The following TRPV5 variants were observed in gnomAD, a reference collection of about 807,000 sequenced individuals.
TRPV5 encodes transient receptor potential cation channel subfamily V member 5.
In TRPV5, 66 loss-of-function variants were observed where a neutral mutation model predicts 74.1. That is an observed-to-expected ratio of 0.89 (90% confidence interval 0.73 to 1.09). The LOEUF is 1.09. Among genes scored for constraint, TRPV5 ranks in the 50% least tolerant of loss-of-function variants. TRPV5 has a pLI of 0.00. For missense variants in TRPV5, 936 were observed against 930.4 expected (o/e 1.01, Z -0.08); for synonymous variants, 399 against 360.7 (o/e 1.11, Z -1.20).
At chr7:142,913,890 T>C (rs1362175417) in intron 12 of TRPV5, among the ~76,000 whole-genome samples, 1 of 152,206 alleles carries the variant, frequency 6.6e-6, no homozygotes, top group African/African-American at 2.4e-5. Flanking sequence ...TTTTCAGACC[T>C]GGGCCTTCCT....
Position 142,925,669 on chromosome 7 carries a change from A to G in TRPV5, c.982T>C (p.Tyr328His), listed in dbSNP as rs866060415. The change falls in exon 8 of 15, where the codon TAC becomes CAC. Residue 328 changes from tyrosine to histidine, a missense_variant. Tyr to His is a moderately conservative substitution (Grantham distance 83). Coordinates refer to ENST00000265310, the MANE Select transcript of TRPV5 (RefSeq NM_019841.7). ...SFKWNKYGRPYFCILAALYLL... is the reference protein window; with the variant it reads ...SFKWNKYGRPHFCILAALYLL... ...TACAAGGCAGCCAGGATGCAGAAGT[A>G]CGGCCGGCCATACTTGTTCCACTTG... The G allele has an allele frequency of 3.1e-6, 5 of 1,614,070 alleles. No individual in the cohort carries two copies. Among genetic ancestry groups the G allele is most frequent in the Middle Eastern group, 1.6e-4 (1 of 6,084 alleles).
intron 13 of TRPV5, among the ~76,000 whole-genome samples, chr7:142,911,275 G>A (rs4252538): frequency 6.6e-6 from 1 of 152,140 alleles, no homozygotes; most frequent in South Asian, 2.1e-4. Context: ...CTGCATTCTG[G>A]CCAGATACCT....
chr7:142,920,109 T>A (rs372682031), intron 8 of TRPV5, among the ~76,000 whole-genome samples: 1 of 152,204 alleles, frequency 6.6e-6, no homozygotes, highest in Non-Finnish European at 1.5e-5. Flanking sequence ...GAACCTGGCA[T>A]TTACTTGAAA....
intron 8 of TRPV5, 21 bp downstream of exon 8, chr7:142,925,508 T>C (rs1297944505): frequency 1.2e-6 from 2 of 1,612,292 alleles, no homozygotes; most frequent in East Asian, 4.5e-5. Flanking sequence ...TTCTCTCTCA[T>C]CCCCTTCTGA....
In TRPV5 at chr7:142,930,449, G is replaced by A; in HGVS notation, c.129-3C>T. 6.2e-7 allele frequency: 1 copy of A among 1,611,490 alleles called. No individual in the cohort carries two copies. The highest frequency in any genetic ancestry group is 8.5e-7 in the Non-Finnish European group (1 of 1,177,578). On this transcript the variant is annotated splice_polypyrimidine_tract_variant and splice_region_variant and intron_variant, in intron 1 of 14. Coordinates refer to ENST00000265310, the MANE Select transcript of TRPV5 (RefSeq NM_019841.7). ...GAAGCAGTGGAGACTCTAGAATCCT[G>A]GGGAAAGGTGAACGTGAGTTTGGAA...
chr7:142,913,037 G>A lies in TRPV5; in HGVS notation c.1520-287C>T, dbSNP rs553385989. 1.2e-4 allele frequency among the ~76,000 whole-genome samples: 19 copies of A among 152,276 alleles called. 1 individual carries two copies. The highest frequency in any genetic ancestry group is 6.8e-3 in the Middle Eastern group (2 of 294). On this transcript the variant is annotated intron_variant, in intron 12 of 14. Transcript: ENST00000265310. ...ACAACAACAAAATTGTGTGTGCAGC[G>A]TGTGTGTTTGTATGGATAATGGATA...
chr7:142,932,297 C>T (rs1211179904), intron 1 of TRPV5, among the ~76,000 whole-genome samples: 2 of 152,128 alleles, frequency 1.3e-5, no homozygotes, highest in Non-Finnish European at 2.9e-5. Context: ...AGCTCACTTT[C>T]TCAGAGACCC....
At chr7:142,911,495 T>C (rs1795703682) in intron 13 of TRPV5, among the ~76,000 whole-genome samples, 1 of 152,236 alleles carries the variant, frequency 6.6e-6, no homozygotes. Context: ...ATCTTAAATG[T>C]TGCTCCCTCA....
intron 1 of TRPV5, among the ~76,000 whole-genome samples, chr7:142,930,792 A>G (rs1050854463): frequency 3.3e-5 from 5 of 152,108 alleles, no homozygotes; most frequent in Admixed American, 1.3e-4. Context: ...ATCTAACCTG[A>G]GTAACTGTCT....
chr7:142,915,134 C>A (rs1268567811), intron 10 of TRPV5, 88 bp from the exon 11 acceptor site: 11 of 1,539,386 alleles, frequency 7.1e-6, no homozygotes, highest in Non-Finnish European at 9.7e-6. Context: ...GGTATCCACA[C>A]ACTCAGGCTT....
chr7:142,908,852 CA>C, intron 14 of TRPV5, 44 bp from the exon 15 acceptor site: 1 of 1,579,738 alleles, frequency 6.3e-7, no homozygotes, highest in Non-Finnish European at 8.6e-7. Flanking sequence ...GGTGGGGAGA[CA>C]TGGGCAGGGG....
chr7:142,928,138 C>T lies in TRPV5; in HGVS notation c.859G>A (p.Gly287Arg). Reference sequence around the variant, plus strand: ...AGCTCCAGGAAGGACAGCTCCTCTCCCCAGGAGTCGATCTCCGTGAGGTCG... The same window carrying T: ...AGCTCCAGGAAGGACAGCTCCTCTCTCCAGGAGTCGATCTCCGTGAGGTCG... ...LYDLTEIDSWGEELSFLELVV... is the reference protein window; with the variant it reads ...LYDLTEIDSWREELSFLELVV... Residue 287 changes from glycine (G) to arginine (R), a missense_variant, in exon 7 of 15, where the codon GGA (glycine) becomes AGA (arginine). Transcript: ENST00000265310. The T allele has an allele frequency of 1.2e-6, 2 of 1,614,174 alleles. No homozygotes were observed. Among genetic ancestry groups the T allele is most frequent in the Non-Finnish European group, 1.7e-6 (2 of 1,180,030 alleles).
intron 5 of TRPV5, 26 bp downstream of exon 5, chr7:142,928,996 G>A (rs1171527607): frequency 2.0e-5 from 32 of 1,613,442 alleles, no homozygotes; most frequent in African/African-American, 2.7e-5. Flanking sequence ...CAGCATCCCA[G>A]CTCCCCTCCC....
At chr7:142,912,859 T>TCTAC in intron 12 of TRPV5, 109 bp from the exon 13 acceptor site, 2 of 976,598 alleles carry the variant, frequency 2.0e-6, no homozygotes, top group Non-Finnish European at 1.5e-6. Context: ...TATCTATCTA[T>TCTAC]CTATCTATCT....
At chr7:142,928,650 G>A (rs1209919357) in intron 6 of TRPV5, 41 bp downstream of exon 6, 1 of 1,591,108 alleles carries the variant, frequency 6.3e-7, no homozygotes, top group Non-Finnish European at 8.6e-7. Context: ...TAGGTTGAGG[G>A]TCATTAGAAA....
chr7:142,918,690 G>T (rs924157720), intron 8 of TRPV5, among the ~76,000 whole-genome samples: 4 of 151,912 alleles, frequency 2.6e-5, no homozygotes, highest in Non-Finnish European at 5.9e-5. Context: ...TTCCAGGGAT[G>T]TGGAGGTGAT....
At chr7:142,929,340 G>A in intron 4 of TRPV5, 88 bp downstream of exon 4, 2 of 1,566,312 alleles carry the variant, frequency 1.3e-6, no homozygotes, top group African/African-American at 1.3e-5. Context: ...AACAGATGGA[G>A]CTGAAGGCAG....
intron 1 of TRPV5, among the ~76,000 whole-genome samples, chr7:142,932,580 G>T (rs1361881663): frequency 6.6e-6 from 1 of 152,176 alleles, no homozygotes; most frequent in Admixed American, 6.5e-5. Flanking sequence ...TCAGGCAGCT[G>T]TTGGGTGGGA....
intron 13 of TRPV5, among the ~76,000 whole-genome samples, chr7:142,911,130 A>G (rs1586213187): frequency 6.6e-6 from 1 of 152,304 alleles, no homozygotes; most frequent in African/African-American, 2.4e-5. Flanking sequence ...TGCGTGTTGC[A>G]TTGCACATCC....
Sources: allele counts gnomAD v4.1 joint callset (sites outside exome capture counted in the v4.1 genomes callset), GRCh38; gene constraint gnomAD v4.1.1; transcripts MANE v1.5; gene names NCBI Gene and HGNC (gene_info 2026-07-23, HGNC 2026-07-21).